DDX60: variants seen among roughly 807,000 people sequenced by gnomAD.
DDX60 encodes probable ATP-dependent RNA helicase DDX60.
Under a neutral mutation model 212.8 loss-of-function variants are expected in DDX60, and 165 were observed. That is an observed-to-expected ratio of 0.78 (90% CI 0.68 to 0.88). The LOEUF (loss-of-function observed/expected upper bound fraction) is 0.88, where lower values mean the gene tolerates loss of function less well. Among genes scored for constraint, DDX60 ranks in the 40% least tolerant of loss-of-function variants. DDX60 has a pLI of 0.00. For synonymous variants in DDX60, 703 were observed against 685.3 expected, an observed-to-expected ratio of 1.03 and a Z score of -0.40; for missense variants, 1,905 against 2,003.9, an observed-to-expected ratio of 0.95 and a Z score of 0.94.
chr4:168,306,764 T>G, intron 4 of DDX60, 44 bp from the exon 5 acceptor site: 1 of 1,415,642 alleles, frequency 7.1e-7, no homozygotes, highest in Non-Finnish European at 9.8e-7. Context: ...AAAATTATCA[T>G]TTAATCATTT....
chr4:168,290,645 C>T (rs1014163339), intron 8 of DDX60, among the ~76,000 whole-genome samples: 9 of 152,196 alleles, frequency 5.9e-5, no homozygotes, highest in East Asian at 1.9e-4. Context: ...TGTGAGCCAC[C>T]GCGGCCGGCC....
intron 33 of DDX60, among the ~76,000 whole-genome samples, chr4:168,232,286 G>C (rs1733479807): frequency 6.6e-6 from 1 of 151,736 alleles, no homozygotes; most frequent in Admixed American, 6.6e-5. Flanking sequence ...AAATCATGAG[G>C]CTGCCAAAAG....
intron 12 of DDX60, among the ~76,000 whole-genome samples, chr4:168,284,181 C>T (rs1022737467): frequency 2.0e-5 from 3 of 152,126 alleles, no homozygotes; most frequent in South Asian, 2.1e-4. Context: ...CAGACCACTC[C>T]GAAGCATGTT....
intron 22 of DDX60, among the ~76,000 whole-genome samples, chr4:168,264,402 C>T (rs142628105): frequency 1.3e-5 from 2 of 152,192 alleles, no homozygotes; most frequent in Admixed American, 1.3e-4. Context: ...AACAAAACAC[C>T]TATTATTTTG....
chr4:168,281,010 C>T (rs761131425), intron 13 of DDX60, among the ~76,000 whole-genome samples: 13 of 151,952 alleles, frequency 8.6e-5, no homozygotes, highest in Non-Finnish European at 1.3e-4. Context: ...CATGGTGGCA[C>T]GCTCCTGTAG....
At position 168,293,893 on chromosome 4, in the gene DDX60, A is replaced by G; in HGVS notation, c.776T>C (p.Ile259Thr). The stretch of plus-strand genomic sequence containing the variant: ...TGAAGTAACACAAAAGACACGCCGA[A>G]TGTCAGATCCTTCTGGCCAGACTTG... ...LTQVWPEGSDIRRVFCVTSCS... is the reference protein window; with the variant it reads ...LTQVWPEGSDTRRVFCVTSCS... Residue 259 changes from isoleucine (I) to threonine (T), a missense_variant, in exon 7 of 38, where the codon ATT becomes ACT. Ile to Thr is a moderately conservative substitution (Grantham distance 89, BLOSUM62 -1). Coordinates refer to ENST00000393743, the MANE Select transcript of DDX60 (RefSeq NM_017631.6). 1 of 1,614,136 alleles carries G rather than the reference A, an allele frequency of 6.2e-7. No individual in the cohort carries two copies. The highest frequency in any genetic ancestry group is 8.5e-7 in the Non-Finnish European group (1 of 1,179,992).
At chr4:168,248,489 C>T (rs1475401640) in intron 28 of DDX60, among the ~76,000 whole-genome samples, 197 bp from the exon 29 acceptor site, 2 of 152,182 alleles carry the variant, frequency 1.3e-5, no homozygotes, top group African/African-American at 4.8e-5. Flanking sequence ...GTTTGCTTTG[C>T]ACAGAATATT....
Position 168,306,396 on chromosome 4 carries a change from G to C in DDX60, c.589C>G (p.Gln197Glu). 1 of 1,594,896 alleles carries C rather than the reference G, an allele frequency of 6.3e-7. No homozygotes were observed. The highest frequency in any genetic ancestry group is 8.6e-7 in the Non-Finnish European group (1 of 1,169,036). The part of the protein sequence containing the change: ...AYLLPSMYRH[Q>E]IFSWKNKQNI... ...TGAATTACCTTCCAGGAAAAAATCTGGTGTCTGTACATGCTTGGAAGAAGG... is the reference window on the plus strand; with the variant it reads ...TGAATTACCTTCCAGGAAAAAATCTCGTGTCTGTACATGCTTGGAAGAAGG... Residue 197 changes from glutamine to glutamate, a missense_variant, in exon 5 of 38, where the codon CAG becomes GAG. Transcript: ENST00000393743.
At chr4:168,272,660 G>A (rs899836859) in intron 18 of DDX60, among the ~76,000 whole-genome samples, 8 of 152,158 alleles carry the variant, frequency 5.3e-5, no homozygotes, top group African/African-American at 1.4e-4. Flanking sequence ...CTTCTACTTA[G>A]CTCAGTTGCA....
In DDX60 at chr4:168,237,691, C is replaced by G. The variant is rs201353977; in HGVS notation, c.4269G>C (p.Glu1423Asp). The G allele has an allele frequency of 6.2e-7, 1 of 1,609,484 alleles. No homozygotes were observed. Among genetic ancestry groups the G allele is most frequent in the Admixed American group, 1.7e-5 (1 of 59,758 alleles). Reference sequence around the variant, plus strand: ...AAAACAAAAGTGCAGTAATGCATACCTCTTTCACCAGGAACTGCAAAGAAA... The same window carrying G: ...AAAACAAAAGTGCAGTAATGCATACGTCTTTCACCAGGAACTGCAAAGAAA... ...FLFSLQFLVK[E>D]GYLDQEGNPM... is the part of the protein sequence containing the mutation. The change falls in exon 31 of 38, where the codon GAG (glutamate) becomes GAC (aspartate). Residue 1423 changes from glutamate to aspartate, a missense_variant and splice_region_variant. By Grantham distance (45) the Glu-to-Asp change is conservative (BLOSUM62 2). Coordinates refer to ENST00000393743, the MANE Select transcript of DDX60 (RefSeq NM_017631.6).
chr4:168,298,612 A>G (rs1349534255), intron 6 of DDX60, among the ~76,000 whole-genome samples: 4 of 152,170 alleles, frequency 2.6e-5, no homozygotes, highest in Admixed American at 2.6e-4. Context: ...ACAAAAGATA[A>G]AAGAAACTCT....
intron 19 of DDX60, 49 bp from the exon 20 acceptor site, chr4:168,269,018 T>A: frequency 1.8e-6 from 2 of 1,106,690 alleles, no homozygotes; most frequent in Non-Finnish European, 2.6e-6. Flanking sequence ...GATTTAAAAA[T>A]AGCAAATGAA....
chr4:168,233,524 A>G (rs1733528035), intron 33 of DDX60, among the ~76,000 whole-genome samples: 1 of 152,136 alleles, frequency 6.6e-6, no homozygotes, highest in Admixed American at 6.6e-5. Context: ...AATACTACTC[A>G]GCCATAAATA....
chr4:168,297,364 AAGAAAGAAAGAAAGAAAGAGAAAG>A (rs1560870498), intron 6 of DDX60, among the ~76,000 whole-genome samples: 2 of 61,560 alleles, frequency 3.2e-5, no homozygotes, highest in Non-Finnish European at 6.3e-5. Flanking sequence ...GAAAGAAAGA[AAGAAAGAAAGAAAGAAAGAGAAAG>A]AAAGAAAGAA....
chr4:168,256,379 T>C lies in DDX60; in HGVS notation c.3399-510A>G, dbSNP rs1033902121. On this transcript the variant is annotated intron_variant, in intron 25 of 37. Transcript: ENST00000393743. ...CCAAAGAATAAACCCTAGTTGTTGC[T>C]GGACTTTGCAATGCAGAAATGTCTC... 3.9e-5 allele frequency among the ~76,000 whole-genome samples: 6 copies of C among 152,162 alleles called. No homozygotes were observed. The East Asian group carries it at 9.6e-4, about 24-fold the overall frequency.
At chr4:168,320,977 AT>A (rs201492040), upstream of DDX60, among the ~76,000 whole-genome samples, 3 of 151,268 alleles carry the variant, frequency 2.0e-5, no homozygotes, top group African/African-American at 4.9e-5. Context: ...TGGACAAATG[AT>A]TTTTTTTTGC....
At position 168,262,796 on chromosome 4, in the gene DDX60, A is replaced by C. The variant is rs747468183; in HGVS notation, c.3040-9T>G. 1 of 1,551,586 alleles carries C rather than the reference A, an allele frequency of 6.4e-7. No individual in the cohort carries two copies. Among genetic ancestry groups the C allele is most frequent in the Non-Finnish European group, 8.7e-7 (1 of 1,146,052 alleles). Reference sequence around the variant, plus strand: ...AATCCATACCTTTCAATCTGTTTAAAATAAAATTAAAATTTTTACTCTTTA... The same window carrying C: ...AATCCATACCTTTCAATCTGTTTAACATAAAATTAAAATTTTTACTCTTTA... On this transcript the variant is annotated splice_polypyrimidine_tract_variant and intron_variant, in intron 22 of 37. Coordinates refer to ENST00000393743, the MANE Select transcript of DDX60 (RefSeq NM_017631.6).
chr4:168,222,010 A>G, intron 35 of DDX60, 129 bp from the exon 36 acceptor site: 1 of 959,938 alleles, frequency 1.0e-6, no homozygotes, highest in Non-Finnish European at 1.5e-6. Context: ...GTGAAGTAAG[A>G]GGGTGCCTTA....
At position 168,304,969 on chromosome 4, in the gene DDX60, T is replaced by C. The variant is rs1415797243; in HGVS notation, c.606+1410A>G. Among the ~76,000 whole-genome samples, 4 of 152,208 alleles carry C rather than the reference T, an allele frequency of 2.6e-5. No homozygotes were observed. In the East Asian group the frequency reaches 7.7e-4, roughly 29 times the overall value. The stretch of plus-strand genomic sequence containing the variant: ...TCACTGACTCACCCAGGGCAACTTC[T>C]GGTCCTGCAAGCTCCATTCATGGTA... On this transcript the variant is annotated intron_variant, in intron 5 of 37. Coordinates refer to ENST00000393743, the MANE Select transcript of DDX60 (RefSeq NM_017631.6).
Sources: allele counts gnomAD v4.1 joint callset (sites outside exome capture counted in the v4.1 genomes callset), GRCh38; gene constraint gnomAD v4.1.1; transcripts MANE v1.5; gene names NCBI Gene and HGNC (gene_info 2026-07-23, HGNC 2026-07-21).